The following FGF12 variants were observed in gnomAD, a reference collection of about 807,000 sequenced individuals.
The protein encoded by FGF12 is fibroblast growth factor 12B.
FGF12 carries 14 observed loss-of-function variants against 23.6 expected under a neutral mutation model. That is an observed-to-expected ratio of 0.59 (90% confidence interval 0.39 to 0.93). FGF12 has a LOEUF of 0.93. Ranked by LOEUF, FGF12 falls within the 40% of genes least tolerant of loss-of-function variation. FGF12 has a pLI of 0.00. For missense variants in FGF12, 175 were observed against 217.8 expected (o/e 0.80, Z 1.24); for synonymous variants, 62 against 77.3 (o/e 0.80, Z 1.04).
chr3:192,223,771 G>GA (rs34443775), intron 4 of FGF12, among the ~76,000 whole-genome samples: 1 of 151,972 alleles, frequency 6.6e-6, no homozygotes, highest in Non-Finnish European at 1.5e-5. Flanking sequence ...TAATCTAATT[G>GA]AAAAAATATA....
chr3:192,192,794 G>A (rs551572070), intron 4 of FGF12, among the ~76,000 whole-genome samples: 2 of 152,142 alleles, frequency 1.3e-5, no homozygotes, highest in African/African-American at 4.8e-5. Flanking sequence ...ATGAATACCT[G>A]CAGTTATTTT....
chr3:192,176,384 C>G (rs1715864986), intron 4 of FGF12, among the ~76,000 whole-genome samples: 1 of 152,170 alleles, frequency 6.6e-6, no homozygotes, highest in Non-Finnish European at 1.5e-5. Context: ...TTTCTTGCTC[C>G]TATAGCAGAC....
chr3:192,630,840 G>A (rs933105289), intron 2 of FGF12, among the ~76,000 whole-genome samples: 6 of 151,574 alleles, frequency 4.0e-5, no homozygotes, highest in Non-Finnish European at 7.4e-5. Context: ...TTACAGGCAT[G>A]AGCCACCGCG....
intron 4 of FGF12, among the ~76,000 whole-genome samples, chr3:192,334,767 C>T (rs1228632124): frequency 5.3e-5 from 8 of 152,060 alleles, no homozygotes; most frequent in Admixed American, 5.2e-4. Flanking sequence ...AGATAATTTG[C>T]CCAAAGGGAT....
At chr3:192,513,888 A>G (rs1176071453) in intron 2 of FGF12, among the ~76,000 whole-genome samples, 1 of 152,248 alleles carries the variant, frequency 6.6e-6, no homozygotes, top group Non-Finnish European at 1.5e-5. Flanking sequence ...AACCTTTTAA[A>G]GAACTTTATA....
chr3:192,575,937 GA>G (rs1712862632), intron 2 of FGF12, among the ~76,000 whole-genome samples: 3 of 151,996 alleles, frequency 2.0e-5, no homozygotes, highest in South Asian at 2.1e-4. Flanking sequence ...AAAGGTACTT[GA>G]AAAAAATAAC....
At chr3:192,346,526 C>T (rs544518478) in intron 3 of FGF12, among the ~76,000 whole-genome samples, 1 of 152,090 alleles carries the variant, frequency 6.6e-6, no homozygotes, top group African/African-American at 2.4e-5. Context: ...ACCAGTGACA[C>T]CTTTTGTTTT....
At chr3:192,190,730 C>T (rs1252119580) in intron 4 of FGF12, among the ~76,000 whole-genome samples, 2 of 152,084 alleles carry the variant, frequency 1.3e-5, no homozygotes, top group Non-Finnish European at 2.9e-5. Flanking sequence ...CCACCTCGGC[C>T]TCCCAAAGTG....
intron 4 of FGF12, among the ~76,000 whole-genome samples, chr3:192,285,889 T>C (rs1015762525): frequency 9.2e-5 from 14 of 152,018 alleles, no homozygotes; most frequent in Admixed American, 7.9e-4. Context: ...TGACAGCAAA[T>C]GTTTGCATAT....
At chr3:192,675,985 T>A (rs1162219933) in intron 2 of FGF12, among the ~76,000 whole-genome samples, 2 of 152,126 alleles carry the variant, frequency 1.3e-5, no homozygotes, top group African/African-American at 4.8e-5. Context: ...GGTTGACATA[T>A]CCTAGGTCAA....
At chr3:192,249,652 T>C (rs574902701) in intron 4 of FGF12, among the ~76,000 whole-genome samples, 2 of 152,272 alleles carry the variant, frequency 1.3e-5, no homozygotes, top group South Asian at 4.1e-4. Flanking sequence ...AAAGGCATTA[T>C]TTGCCCTGAT....
At chr3:192,148,164 T>C (rs375635824) in intron 5 of FGF12, among the ~76,000 whole-genome samples, 1 of 152,194 alleles carries the variant, frequency 6.6e-6, no homozygotes, top group African/African-American at 2.4e-5. Context: ...TGTACATCCA[T>C]GTCCATAGAA....
At chr3:192,709,914 T>C (rs1718610252) in intron 2 of FGF12, among the ~76,000 whole-genome samples, 1 of 152,230 alleles carries the variant, frequency 6.6e-6, no homozygotes, top group African/African-American at 2.4e-5. Context: ...TTATTCATTA[T>C]CCTGTTTTGC....
intron 2 of FGF12, among the ~76,000 whole-genome samples, chr3:192,413,437 A>G (rs1218999304): frequency 2.0e-5 from 3 of 152,228 alleles, no homozygotes; most frequent in African/African-American, 7.2e-5. Context: ...GATACATAAT[A>G]ATACTAGCAG....
intron 2 of FGF12, among the ~76,000 whole-genome samples, chr3:192,391,795 T>C (rs777653167): frequency 1.1e-4 from 17 of 152,222 alleles, no homozygotes; most frequent in Non-Finnish European, 2.2e-4. Context: ...TACCTGACCA[T>C]GTTTCTCTGA....
chr3:192,536,555 G>C (rs1487627636), intron 2 of FGF12, among the ~76,000 whole-genome samples: 1 of 151,902 alleles, frequency 6.6e-6, no homozygotes, highest in African/African-American at 2.4e-5. Context: ...TAATAATAAT[G>C]ATCCTGAGAC....
At chr3:192,678,239 G>A (rs1321404154) in intron 2 of FGF12, among the ~76,000 whole-genome samples, 2 of 152,202 alleles carry the variant, frequency 1.3e-5, no homozygotes, top group Non-Finnish European at 2.9e-5. Flanking sequence ...CCTCACAGGT[G>A]AGGAACACAG....
chr3:192,330,669 C>T (rs1717066139), intron 4 of FGF12, among the ~76,000 whole-genome samples: 3 of 152,056 alleles, frequency 2.0e-5, no homozygotes, highest in African/African-American at 4.8e-5. Flanking sequence ...CACCACTGCA[C>T]TCCAGCCTGG....
intron 2 of FGF12, among the ~76,000 whole-genome samples, chr3:192,524,526 G>A (rs1220972659): frequency 6.6e-6 from 1 of 152,184 alleles, no homozygotes; most frequent in African/African-American, 2.4e-5. Context: ...AACTGGAGAT[G>A]TTCATTAGGA....
Sources: allele counts gnomAD v4.1 joint callset (sites outside exome capture counted in the v4.1 genomes callset), GRCh38; gene constraint gnomAD v4.1.1; transcripts MANE v1.5; gene names NCBI Gene and HGNC (gene_info 2026-07-23, HGNC 2026-07-21).